PALLD: variants seen among roughly 807,000 people sequenced by gnomAD.
PALLD encodes palladin.
PALLD carries 61 observed loss-of-function variants against 123.5 expected under a neutral mutation model. The ratio of observed to expected loss-of-function variants is 0.49; its 90% CI spans 0.40 to 0.61. The LOEUF is 0.61. Ranked by LOEUF, PALLD falls within the 20% of genes least tolerant of loss-of-function variation. The pLI is 0.00. For missense variants in PALLD, 1,273 were observed against 1,377.0 expected (o/e 0.92, Z 1.20); for synonymous variants, 465 against 496.4 (o/e 0.94, Z 0.84).
chr4:168,520,514 T>C (rs1763460073), intron 2 of PALLD, among the ~76,000 whole-genome samples: 1 of 152,150 alleles, frequency 6.6e-6, no homozygotes, highest in Non-Finnish European at 1.5e-5. Context: ...GCTGTTTTCA[T>C]CCAGTACCTA....
chr4:168,817,168 G>C (rs1206126634), intron 10 of PALLD, among the ~76,000 whole-genome samples: 1 of 152,142 alleles, frequency 6.6e-6, no homozygotes, highest in Non-Finnish European at 1.5e-5. Flanking sequence ...CTTTCTGTTG[G>C]CTTTTTATAG....
intron 2 of PALLD, among the ~76,000 whole-genome samples, chr4:168,520,097 C>A (rs978137219): frequency 2.0e-5 from 3 of 151,744 alleles, no homozygotes; most frequent in Admixed American, 2.0e-4. Context: ...GAGGCCGAGG[C>A]GGGCGGATCA....
intron 10 of PALLD, among the ~76,000 whole-genome samples, chr4:168,784,841 ACT>A (rs999092171): frequency 4.0e-5 from 6 of 151,868 alleles, no homozygotes; most frequent in African/African-American, 1.5e-4. Context: ...TCTTGAGCAG[ACT>A]CTGCAGAGCC....
At chr4:168,637,803 G>A (rs1203386260) in intron 2 of PALLD, among the ~76,000 whole-genome samples, 1 of 152,114 alleles carries the variant, frequency 6.6e-6, no homozygotes, top group East Asian at 1.9e-4. Context: ...AATTAGTTGG[G>A]CATGGTGGTG....
intron 10 of PALLD, among the ~76,000 whole-genome samples, chr4:168,862,331 A>G (rs544739346): frequency 1.3e-5 from 2 of 151,398 alleles, no homozygotes; most frequent in Non-Finnish European, 1.5e-5. Flanking sequence ...TTATTTTAGC[A>G]TAGACGAGGT....
intron 17 of PALLD, among the ~76,000 whole-genome samples, chr4:168,917,735 T>G (rs2126333516): frequency 6.6e-6 from 1 of 152,278 alleles, no homozygotes; most frequent in South Asian, 2.1e-4. Context: ...ATATTTTATT[T>G]CTTAGGATCA....
chr4:168,518,226 C>T (rs1198002445), intron 2 of PALLD, among the ~76,000 whole-genome samples: 5 of 152,170 alleles, frequency 3.3e-5, no homozygotes, highest in Non-Finnish European at 5.9e-5. Flanking sequence ...ACCACTTCAC[C>T]CCACCTCCAT....
At chr4:168,539,566 TAAAA>T (rs1238083061) in intron 2 of PALLD, among the ~76,000 whole-genome samples, 10 of 124,310 alleles carry the variant, frequency 8.0e-5, no homozygotes, top group Non-Finnish European at 1.3e-4. Context: ...TCTCAAAAAA[TAAAA>T]ATAAATAAAT....
At position 168,665,428 on chromosome 4, in the gene PALLD, A is replaced by G. The variant is rs913602206; in HGVS notation, c.909-2762A>G. ...TTGGCATGCGAGGGACCAGAGGTAC[A>G]ATATACATTTTTAAAAAATGGTTGC... On this transcript the variant is annotated intron_variant, in intron 2 of 21. Coordinates refer to ENST00000505667, the MANE Select transcript of PALLD (RefSeq NM_001166108.2). Among the ~76,000 whole-genome samples the G allele has an allele frequency of 2.0e-4, 30 of 152,156 alleles. 1 individual carries two copies. Among genetic ancestry groups the G allele is most frequent in the African/African-American group, 7.0e-4 (29 of 41,436 alleles).
Position 168,926,460 on chromosome 4 carries a change from T to A in PALLD, c.*280T>A. On this transcript the variant is annotated 3_prime_UTR_variant, in exon 22 of 22. Coordinates refer to ENST00000505667, the MANE Select transcript of PALLD (RefSeq NM_001166108.2). Reference sequence around the variant, plus strand: ...CAACATATTCCTTTGTCACATTATGTAAAAGGCAGAAACATACCTTTGACT... The same window carrying A: ...CAACATATTCCTTTGTCACATTATGAAAAAGGCAGAAACATACCTTTGACT... 1 of 1,066,416 alleles carries A rather than the reference T, an allele frequency of 9.4e-7. No individual in the cohort carries two copies. The highest frequency in any genetic ancestry group is 1.4e-6 in the Non-Finnish European group (1 of 731,100). The allele number at this position is 1,066,416 out of a possible 1,614,324, so 66.1% of individuals were successfully genotyped here. A position where few individuals can be genotyped will look rare whatever the true frequency, so the allele number is the denominator to read the frequency against.
chr4:168,742,569 G>T (rs551025958), intron 10 of PALLD, among the ~76,000 whole-genome samples: 1 of 152,296 alleles, frequency 6.6e-6, no homozygotes, highest in South Asian at 2.1e-4. Context: ...TCTGTTCCAT[G>T]AACATACCGG....
intron 14 of PALLD, 114 bp downstream of exon 14, chr4:168,898,828 C>T (rs773646568): frequency 7.3e-5 from 56 of 769,022 alleles, no homozygotes; most frequent in Admixed American, 3.0e-4. Flanking sequence ...TCAATACCCA[C>T]GATATAAAGG....
intron 10 of PALLD, among the ~76,000 whole-genome samples, chr4:168,813,830 C>T (rs1000787046): frequency 7.3e-5 from 11 of 149,960 alleles, no homozygotes; most frequent in South Asian, 2.1e-4. Flanking sequence ...CCTCAAAAAA[C>T]AAATCATTCA....
At chr4:168,678,221 C>T (rs918391646) in intron 3 of PALLD, among the ~76,000 whole-genome samples, 2 of 152,006 alleles carry the variant, frequency 1.3e-5, no homozygotes, top group Non-Finnish European at 1.5e-5. Context: ...CCTTCAATTA[C>T]TTCACCTCTT....
intron 18 of PALLD, 101 bp downstream of exon 18, chr4:168,921,842 T>C: frequency 2.1e-6 from 2 of 938,296 alleles, no homozygotes; most frequent in Non-Finnish European, 1.7e-6. Context: ...AATAAAGTAT[T>C]GAAAAAATAG....
At chr4:168,671,476 C>CTA (rs1376960401) in intron 3 of PALLD, among the ~76,000 whole-genome samples, 1 of 152,142 alleles carries the variant, frequency 6.6e-6, no homozygotes, top group Non-Finnish European at 1.5e-5. Flanking sequence ...GTACCTCTGA[C>CTA]TATAGATAGA....
chr4:168,522,423 T>C (rs931502210), intron 2 of PALLD, among the ~76,000 whole-genome samples: 1 of 152,258 alleles, frequency 6.6e-6, no homozygotes, highest in African/African-American at 2.4e-5. Context: ...TATCAAATAG[T>C]TGTTTTGAAA....
chr4:168,922,098 TATATACACACACACACACAC>T (rs1006398526), intron 18 of PALLD, among the ~76,000 whole-genome samples: 12 of 107,620 alleles, frequency 1.1e-4, no homozygotes, highest in African/African-American at 3.8e-4. Flanking sequence ...TATATATATA[TATATACACACACACACACAC>T]ACACACACAC....
intron 2 of PALLD, among the ~76,000 whole-genome samples, chr4:168,607,486 G>A (rs938126557): frequency 5.9e-5 from 9 of 152,056 alleles, no homozygotes; most frequent in East Asian, 1.9e-4. Flanking sequence ...CAACTACAGC[G>A]GACCCTTGTA....
Sources: allele counts gnomAD v4.1 joint callset (sites outside exome capture counted in the v4.1 genomes callset), GRCh38; gene constraint gnomAD v4.1.1; transcripts MANE v1.5; gene names NCBI Gene and HGNC (gene_info 2026-07-23, HGNC 2026-07-21).